BEND4: variants seen among roughly 807,000 people sequenced by gnomAD.
BEND4 encodes the protein BEN domain-containing protein 4.
A neutral mutation model predicts 54.7 loss-of-function variants in BEND4; 27 were observed. That is an observed-to-expected ratio of 0.49 (90% CI 0.36 to 0.68). The LOEUF (loss-of-function observed/expected upper bound fraction) is 0.68, where lower values mean the gene tolerates loss of function less well. Ranked by LOEUF, BEND4 falls within the 30% of genes least tolerant of loss-of-function variation. The pLI is 0.00. For missense variants in BEND4, 702 were observed against 697.2 expected, an observed-to-expected ratio of 1.01 and a Z score of -0.08; for synonymous variants, 327 against 299.5, an observed-to-expected ratio of 1.09 and a Z score of -0.95.
intron 4 of BEND4, among the ~76,000 whole-genome samples, chr4:42,121,209 T>C (rs558116452): frequency 6.6e-6 from 1 of 152,300 alleles, no homozygotes; most frequent in South Asian, 2.1e-4. Flanking sequence ...GGTTATAAAT[T>C]TGGCACCATT....
At chr4:42,133,137 T>A (rs1356948475) in intron 3 of BEND4, among the ~76,000 whole-genome samples, 1 of 152,234 alleles carries the variant, frequency 6.6e-6, no homozygotes, top group Non-Finnish European at 1.5e-5. Context: ...TAAACTATTG[T>A]CATTTTAAGA....
At chr4:42,133,984 T>C (rs1033633623) in intron 3 of BEND4, among the ~76,000 whole-genome samples, 2 of 152,260 alleles carry the variant, frequency 1.3e-5, no homozygotes, top group African/African-American at 4.8e-5. Flanking sequence ...ACTGTCATTT[T>C]AAGATTGGGA....
chr4:42,117,846 C>T, intron 5 of BEND4, 111 bp from the exon 6 acceptor site: 2 of 701,954 alleles, frequency 2.8e-6, no homozygotes, highest in South Asian at 2.0e-5. Context: ...ATAAGAAAAG[C>T]TTTATGGGAA....
chr4:42,143,970 A>T lies in BEND4; in HGVS notation c.512T>A (p.Phe171Tyr). ...SAESRMILDAFAQQCSRVLSL... is the reference protein window; with the variant it reads ...SAESRMILDAYAQQCSRVLSL... ...AAGAACTCGACTGCACTGCTGGGCAAAGGCATCCAAGATCATTCGACTCTC... is the reference window on the plus strand; with the variant it reads ...AAGAACTCGACTGCACTGCTGGGCATAGGCATCCAAGATCATTCGACTCTC... Residue 171 changes from phenylalanine to tyrosine, a missense_variant, in exon 3 of 6, where the codon TTT becomes TAT. Transcript: ENST00000502486. 6.4e-7 allele frequency: 1 copy of T among 1,563,184 alleles called. No homozygotes were observed. Among genetic ancestry groups the T allele is most frequent in the Non-Finnish European group, 8.6e-7 (1 of 1,158,730 alleles).
At chr4:42,134,892 TG>T (rs754733809) in intron 3 of BEND4, among the ~76,000 whole-genome samples, 10 of 152,192 alleles carry the variant, frequency 6.6e-5, no homozygotes, top group Non-Finnish European at 1.3e-4. Flanking sequence ...CCAATGGGGT[TG>T]GAACACTTGG....
intron 3 of BEND4, among the ~76,000 whole-genome samples, chr4:42,128,909 T>C (rs1361018149): frequency 2.0e-5 from 3 of 152,024 alleles, no homozygotes; most frequent in South Asian, 2.1e-4. Flanking sequence ...GCACTCCAGC[T>C]TGGGCGACTG....
At chr4:42,145,066 A>G (rs765018057) in intron 2 of BEND4, among the ~76,000 whole-genome samples, 5 of 152,234 alleles carry the variant, frequency 3.3e-5, no homozygotes, top group East Asian at 1.9e-4. Context: ...GTAGATGCCT[A>G]TAACTATTGT....
chr4:42,131,105 C>T (rs1209549689), intron 3 of BEND4, among the ~76,000 whole-genome samples: 4 of 152,174 alleles, frequency 2.6e-5, no homozygotes, highest in Admixed American at 2.6e-4. Flanking sequence ...GGGAAAACAG[C>T]TAATGCAGGC....
intron 3 of BEND4, among the ~76,000 whole-genome samples, chr4:42,136,480 T>C (rs1720701667): frequency 6.6e-6 from 1 of 152,218 alleles, no homozygotes; most frequent in Non-Finnish European, 1.5e-5. Context: ...CTTACCAAAA[T>C]GTATTTGTAA....
intron 1 of BEND4, 70 bp from the exon 2 acceptor site, chr4:42,152,446 G>A (rs575754955): frequency 3.9e-4 from 66 of 169,802 alleles, no homozygotes; most frequent in Non-Finnish European, 6.3e-4. Flanking sequence ...GGGGCGGGGC[G>A]GGGCCTGGCG....
At chr4:42,123,386 C>T (rs1720137227) in intron 4 of BEND4, among the ~76,000 whole-genome samples, 2 of 151,742 alleles carry the variant, frequency 1.3e-5, no homozygotes, top group Non-Finnish European at 2.9e-5. Flanking sequence ...TAAACATTGA[C>T]CTATTGTTGA....
chr4:42,145,267 C>T (rs1721036471), intron 2 of BEND4, among the ~76,000 whole-genome samples: 1 of 152,124 alleles, frequency 6.6e-6, no homozygotes, highest in Non-Finnish European at 1.5e-5. Context: ...CCAAGGAAAC[C>T]ACACTACAGG....
Position 42,112,643 on chromosome 4 carries a change from C to G in BEND4, c.*4875G>C, listed in dbSNP as rs1249604390. The G allele has an allele frequency of 6.6e-6, 1 of 152,124 alleles. No individual in the cohort carries two copies. The highest frequency in any genetic ancestry group is 6.5e-5 in the Admixed American group (1 of 15,268). 9.4% of individuals were successfully genotyped at this position (152,124 alleles called of 1,614,324 possible). A position where few individuals can be genotyped will look rare whatever the true frequency, so the allele number is the denominator to read the frequency against. ...TAGTGCCTTCAGAAGTCAAATTAACCAAGCTGGTCATCAGATGAGGGAAGT... is the reference window on the plus strand; with the variant it reads ...TAGTGCCTTCAGAAGTCAAATTAACGAAGCTGGTCATCAGATGAGGGAAGT... On this transcript the variant is annotated 3_prime_UTR_variant, in exon 6 of 6. Transcript: ENST00000502486.
chr4:42,122,940 T>C (rs561202774), intron 4 of BEND4, among the ~76,000 whole-genome samples: 1 of 152,294 alleles, frequency 6.6e-6, no homozygotes, highest in African/African-American at 2.4e-5. Context: ...AAATGGTCTA[T>C]TTCAAGATGG....
In BEND4 at chr4:42,146,380, T is replaced by C. The variant is rs572007355; in HGVS notation, c.488-2386A>G. ...GTGAAGGTGTATTTGCCAAGGTAGG[T>C]GGACAGAACATATTTTGTTAAACAA... On this transcript the variant is annotated intron_variant, in intron 2 of 5. Transcript: ENST00000502486. Among the ~76,000 whole-genome samples the C allele has an allele frequency of 7.8e-4, 118 of 152,218 alleles. 1 individual carries two copies. Among genetic ancestry groups the C allele is most frequent in the Non-Finnish European group, 1.3e-3 (87 of 68,042 alleles).
chr4:42,133,835 C>T (rs900597730), intron 3 of BEND4, among the ~76,000 whole-genome samples: 5 of 152,218 alleles, frequency 3.3e-5, no homozygotes, highest in South Asian at 2.1e-4. Context: ...GCCTGGGCAA[C>T]AGAGCGAGAC....
Position 42,152,316 on chromosome 4 carries a change from C to T in BEND4, c.-173G>A, listed in dbSNP as rs1422251699. 9.9e-6 allele frequency: 5 copies of T among 505,248 alleles called. No individual in the cohort carries two copies. The East Asian group carries it at 1.3e-4, about 13-fold the overall frequency. The allele number at this position is 505,248 out of a possible 1,614,324, so 31.3% of individuals were successfully genotyped here. A position where few individuals can be genotyped will look rare whatever the true frequency, so the allele number is the denominator to read the frequency against. On this transcript the variant is annotated 5_prime_UTR_variant, in exon 2 of 6. Transcript: ENST00000502486. ...CGCCTGTCGCTGAGGCTGGCATCGC[C>T]GAGCCCCCGCGCGGGGGGCTGCCGC...
chr4:42,112,532 T>C lies in BEND4; in HGVS notation c.*4986A>G, dbSNP rs1330576534. On this transcript the variant is annotated 3_prime_UTR_variant, in exon 6 of 6. Transcript: ENST00000502486. ...TGTAATTTGAGGATCTGTGATTCAA[T>C]AAAAACACAGCCCTTATATCAGACA... is the stretch of plus-strand genomic sequence containing the variant. 6.6e-6 allele frequency: 1 copy of C among 152,136 alleles called. No individual in the cohort carries two copies. Among genetic ancestry groups the C allele is most frequent in the Admixed American group, 6.5e-5 (1 of 15,270 alleles). The allele number at this position is 152,136 out of a possible 1,614,324, so 9.4% of individuals were successfully genotyped here.
rs1006030565 is a variant in BEND4, at chr4:42,114,565, G to A, written c.*2953C>T. 6 of 152,208 alleles carry A rather than the reference G, an allele frequency of 3.9e-5. No homozygotes were observed. The highest frequency in any genetic ancestry group is 1.4e-4 in the African/African-American group (6 of 41,444). The allele number at this position is 152,208 out of a possible 1,614,324, so 9.4% of individuals were successfully genotyped here. On this transcript the variant is annotated 3_prime_UTR_variant, in exon 6 of 6. Transcript: ENST00000502486. Reference sequence around the variant, plus strand: ...AAGCTGACATGACTAAGTTTCTTGTGAGAGCAATCTGTCCATTTGCCAGAT... The same window carrying A: ...AAGCTGACATGACTAAGTTTCTTGTAAGAGCAATCTGTCCATTTGCCAGAT...
Sources: gnomAD v4.1 joint callset for allele counts (sites outside exome capture counted in the v4.1 genomes callset) on GRCh38, gnomAD v4.1.1 for gene constraint, MANE v1.5 for transcripts, NCBI Gene and HGNC (gene_info 2026-07-23, HGNC 2026-07-21) for gene names.